Variants in FAM168A observed in about 807,000 individuals in gnomAD.
FAM168A encodes the protein protein FAM168A.
A neutral mutation model predicts 28.5 loss-of-function variants in FAM168A; 3 were observed. The observed-to-expected ratio is 0.11, with a 90% CI of 0.05 to 0.27. The LOEUF is 0.27. FAM168A is among the 10% of genes least tolerant of loss of function. FAM168A has a pLI of 1.00. For synonymous variants in FAM168A, 122 were observed against 124.2 expected (o/e 0.98, Z 0.12); for missense variants, 222 against 311.5 (o/e 0.71, Z 2.16).
chr11:73,455,169 A>G (rs947341445), intron 2 of FAM168A, among the ~76,000 whole-genome samples: 3 of 152,200 alleles, frequency 2.0e-5, no homozygotes, highest in Admixed American at 1.3e-4. Context: ...CACAGAGTTC[A>G]CTGATGCCAG....
At position 73,409,642 on chromosome 11, in the gene FAM168A, G is replaced by A. The variant is rs1565232632; in HGVS notation, c.440C>T (p.Pro147Leu). ...LYAQGAYYTQ[P>L]VYAAQPHVIH... ...GACATGAGGCTGGGCAGCATACACC[G>A]GCTGTGTGTAGTAGGCTCCCTGGGG... Residue 147 changes from proline (P) to leucine (L), a missense_variant, in exon 6 of 8, where the codon CCG becomes CTG. By Grantham distance (98) the Pro-to-Leu change is moderately conservative. Transcript: ENST00000356467. 3 of 1,609,346 alleles carry A rather than the reference G, an allele frequency of 1.9e-6. No homozygotes were observed. The highest frequency in any genetic ancestry group is 2.5e-6 in the Non-Finnish European group (3 of 1,177,684).
intron 1 of FAM168A, among the ~76,000 whole-genome samples, chr11:73,533,412 C>A (rs962873060): frequency 2.6e-5 from 4 of 152,200 alleles, no homozygotes; most frequent in Non-Finnish European, 5.9e-5. Flanking sequence ...TCACACTTTA[C>A]TACTAGTAGA....
In FAM168A at chr11:73,430,710, T is replaced by A; in HGVS notation, c.131A>T (p.Asn44Ile). The A allele has an allele frequency of 6.2e-7, 1 of 1,613,824 alleles. No homozygotes were observed. The highest frequency in any genetic ancestry group is 1.1e-5 in the South Asian group (1 of 91,072). ...CTTACCTGGAGCATAACTGGGACTA[T>A]TGGTGGGGTACAGGCTGGGATTGTA... ...PAYNPSLYPT[N>I]SPSYAPATLL... is the part of the protein sequence containing the mutation. The change falls in exon 3 of 8, where the codon AAT (asparagine) becomes ATT (isoleucine). Residue 44 changes from asparagine (N) to isoleucine (I), a missense_variant. This residue lies in a region of FAM168A where 153 missense variants were observed against 189.2 expected (regional missense o/e 0.81). Coordinates refer to ENST00000356467, the MANE Select transcript of FAM168A (RefSeq NM_015159.3).
chr11:73,487,202 T>C (rs552490088), intron 1 of FAM168A, among the ~76,000 whole-genome samples: 6 of 152,248 alleles, frequency 3.9e-5, no homozygotes, highest in African/African-American at 1.4e-4. Flanking sequence ...CCCCACTTCA[T>C]CTCCTGATCT....
chr11:73,549,838 T>A (rs963959390), intron 1 of FAM168A, among the ~76,000 whole-genome samples: 2 of 152,216 alleles, frequency 1.3e-5, no homozygotes, highest in African/African-American at 4.8e-5. Flanking sequence ...TCGGAAAGTC[T>A]TTGTCTAGTC....
chr11:73,549,302 C>T (rs1353495375), intron 1 of FAM168A, among the ~76,000 whole-genome samples: 1 of 152,148 alleles, frequency 6.6e-6, no homozygotes, highest in Non-Finnish European at 1.5e-5. Context: ...ATTTACATGT[C>T]TGTCTCTCCA....
chr11:73,509,483 C>T (rs1468370258), intron 1 of FAM168A, among the ~76,000 whole-genome samples: 2 of 152,088 alleles, frequency 1.3e-5, no homozygotes, highest in Non-Finnish European at 2.9e-5. Context: ...TATGACATGT[C>T]ATGGACCTTT....
chr11:73,560,383 T>C (rs1000843647), intron 1 of FAM168A, among the ~76,000 whole-genome samples: 1 of 152,078 alleles, frequency 6.6e-6, no homozygotes, highest in Non-Finnish European at 1.5e-5. Flanking sequence ...GTACTTTTGC[T>C]AAGGTGTGTG....
In FAM168A at chr11:73,517,438, C is replaced by A. The variant is rs184845428; in HGVS notation, c.-18-48946G>T. On this transcript the variant is annotated intron_variant, in intron 1 of 7. Transcript: ENST00000356467. ...GTCGAGAATCCAGATTACCTGACTG[C>A]TAGAAGCTATTTGCTCTTTTTACTA... Among the ~76,000 whole-genome samples the A allele has an allele frequency of 2.7e-3, 409 of 152,130 alleles. 3 individuals are homozygous for A. The highest frequency in any genetic ancestry group is 9.5e-3 in the African/African-American group (393 of 41,480).
At chr11:73,554,535 A>G (rs919065451) in intron 1 of FAM168A, among the ~76,000 whole-genome samples, 2 of 152,218 alleles carry the variant, frequency 1.3e-5, no homozygotes, top group Non-Finnish European at 2.9e-5. Context: ...ATATAGAGCG[A>G]TATTATTTGC....
intron 1 of FAM168A, among the ~76,000 whole-genome samples, chr11:73,472,700 A>C (rs1006457335): frequency 6.6e-6 from 1 of 152,188 alleles, no homozygotes; most frequent in African/African-American, 2.4e-5. Flanking sequence ...GGTGGTGGAA[A>C]CTAGTCATGT....
chr11:73,561,859 A>G (rs1213839953), intron 1 of FAM168A, among the ~76,000 whole-genome samples: 1 of 152,190 alleles, frequency 6.6e-6, no homozygotes, highest in African/African-American at 2.4e-5. Context: ...GATAATTTTA[A>G]TACCCTTTTA....
intron 3 of FAM168A, chr11:73,420,773 T>C (rs1404511064): frequency 6.6e-6 from 1 of 152,366 alleles, no homozygotes; most frequent in Non-Finnish European, 1.5e-5. Flanking sequence ...GAAATATAGA[T>C]GAGGCCCAGT....
intron 1 of FAM168A, among the ~76,000 whole-genome samples, chr11:73,481,589 T>C (rs1420225463): frequency 6.6e-6 from 1 of 152,178 alleles, no homozygotes; most frequent in Admixed American, 6.5e-5. Context: ...AACGGTTACT[T>C]ACAAGAGGTT....
intron 1 of FAM168A, among the ~76,000 whole-genome samples, chr11:73,568,090 T>C (rs1944043304): frequency 1.3e-5 from 2 of 152,194 alleles, no homozygotes; most frequent in African/African-American, 4.8e-5. Flanking sequence ...TACTAGACGT[T>C]GGCGGTACCT....
chr11:73,522,605 G>A (rs1943396444), intron 1 of FAM168A, among the ~76,000 whole-genome samples: 1 of 151,696 alleles, frequency 6.6e-6, no homozygotes. Flanking sequence ...CAAAGTGCTG[G>A]GATTACAGGT....
chr11:73,443,671 G>A (rs965721066), intron 2 of FAM168A, among the ~76,000 whole-genome samples: 5 of 152,130 alleles, frequency 3.3e-5, no homozygotes, highest in East Asian at 1.9e-4. Context: ...CAACAGTGGC[G>A]CTTCATTTAT....
chr11:73,512,434 G>A (rs898252937), intron 1 of FAM168A, among the ~76,000 whole-genome samples: 12 of 152,094 alleles, frequency 7.9e-5, no homozygotes, highest in Admixed American at 2.6e-4. Flanking sequence ...CTGCTAATAG[G>A]TACAAAGTTT....
At chr11:73,520,695 G>T (rs1251663422) in intron 1 of FAM168A, among the ~76,000 whole-genome samples, 2 of 152,034 alleles carry the variant, frequency 1.3e-5, no homozygotes, top group Non-Finnish European at 2.9e-5. Flanking sequence ...GATAATCAAT[G>T]CTGTCACCAA....
Sources: allele counts gnomAD v4.1 joint callset (sites outside exome capture counted in the v4.1 genomes callset), GRCh38; gene constraint gnomAD v4.1.1; regional missense constraint gnomAD v4.1.1; transcripts MANE v1.5; gene names NCBI Gene and HGNC (gene_info 2026-07-23, HGNC 2026-07-21).